The following LYG1 variants were observed in gnomAD, a reference collection of about 807,000 sequenced individuals.
LYG1 encodes lysozyme g-like protein 1.
Under a neutral mutation model 21.7 loss-of-function variants are expected in LYG1, and 17 were observed. The ratio of observed to expected loss-of-function variants is 0.78; its 90% CI spans 0.54 to 1.18. LYG1 has a LOEUF of 1.18. LYG1 is among the 50% of genes most tolerant of loss of function. The pLI is 0.00. For missense variants in LYG1, 211 were observed against 238.1 expected (o/e 0.89, Z 0.75); for synonymous variants, 81 against 87.4 (o/e 0.93, Z 0.41).
At chr2:99,304,036 G>C (rs935421918), upstream of LYG1, among the ~76,000 whole-genome samples, 2 of 152,192 alleles carry the variant, frequency 1.3e-5, no homozygotes, top group African/African-American at 4.8e-5. Flanking sequence ...GCCAGGCGTG[G>C]TGGGGGCACC....
chr2:99,296,731 C>T (rs1241906481), intron 2 of LYG1, among the ~76,000 whole-genome samples: 1 of 152,188 alleles, frequency 6.6e-6, no homozygotes, highest in Non-Finnish European at 1.5e-5. Context: ...TAGGAATGTG[C>T]ATATAAACAA....
At chr2:99,287,496 C>A (rs917977915) in intron 5 of LYG1, among the ~76,000 whole-genome samples, 3 of 152,092 alleles carry the variant, frequency 2.0e-5, no homozygotes, top group Non-Finnish European at 4.4e-5. Flanking sequence ...ACCTGTGGAA[C>A]AAACCTGCAC....
intron 2 of LYG1, among the ~76,000 whole-genome samples, chr2:99,297,485 T>C (rs999667522): frequency 1.3e-5 from 2 of 152,218 alleles, no homozygotes. Flanking sequence ...TACTTCCTCT[T>C]GGAAACCCAA....
intron 5 of LYG1, among the ~76,000 whole-genome samples, chr2:99,289,039 A>G (rs1343582832): frequency 6.6e-6 from 1 of 152,180 alleles, no homozygotes. Context: ...CTGAGAACTT[A>G]TTTATTAGAA....
chr2:99,284,670 T>G lies in LYG1; in HGVS notation c.466+18A>C. The G allele has an allele frequency of 6.2e-7, 1 of 1,611,032 alleles. No homozygotes were observed. The highest frequency in any genetic ancestry group is 8.5e-7 in the Non-Finnish European group (1 of 1,177,628). On this transcript the variant is annotated intron_variant, in intron 6 of 6. Coordinates refer to ENST00000308528, the MANE Select transcript of LYG1 (RefSeq NM_174898.3). Reference sequence around the variant, plus strand: ...TAATTCTGTGCTTGAGACAACTGACTGATAGCGTTACACGTACCTCTCAGG... The same window carrying G: ...TAATTCTGTGCTTGAGACAACTGACGGATAGCGTTACACGTACCTCTCAGG...
intron 5 of LYG1, among the ~76,000 whole-genome samples, chr2:99,286,101 GC>G (rs1168968419): frequency 6.6e-6 from 1 of 152,108 alleles, no homozygotes; most frequent in Non-Finnish European, 1.5e-5. Context: ...AGCACACTCA[GC>G]CTCTCACCAT....
upstream of LYG1, among the ~76,000 whole-genome samples, chr2:99,303,464 C>T (rs1321181342): frequency 2.0e-5 from 3 of 152,058 alleles, no homozygotes; most frequent in African/African-American, 7.2e-5. Context: ...TCTCACAAAC[C>T]CTGCCTCTCT....
chr2:99,284,579 AACTACCT>A, intron 6 of LYG1, 68 bp from the exon 7 acceptor site: 1 of 1,592,458 alleles, frequency 6.3e-7, no homozygotes, highest in Non-Finnish European at 8.6e-7. Context: ...TCTCTTTACT[AACTACCT>A]AACAGGAGGC....
intron 3 of LYG1, among the ~76,000 whole-genome samples, chr2:99,295,418 CCA>C (rs1559222652): frequency 6.6e-6 from 1 of 152,098 alleles, no homozygotes; most frequent in Admixed American, 6.5e-5. Context: ...TGTTTTAAGC[CCA>C]CCTTGCATTC....
At chr2:99,299,680 C>T (rs2094148410) in intron 1 of LYG1, among the ~76,000 whole-genome samples, 1 of 152,006 alleles carries the variant, frequency 6.6e-6, no homozygotes. Context: ...CTGCCTCAGC[C>T]TCCCAAAGTG....
chr2:99,302,847 A>G (rs1017152187), upstream of LYG1, among the ~76,000 whole-genome samples: 16 of 151,882 alleles, frequency 1.1e-4, no homozygotes, highest in African/African-American at 3.9e-4. Flanking sequence ...GCGAAACCCC[A>G]TCTCTACTAA....
intron 5 of LYG1, among the ~76,000 whole-genome samples, chr2:99,286,576 C>T (rs917001978): frequency 3.3e-5 from 5 of 151,842 alleles, no homozygotes; most frequent in African/African-American, 9.7e-5. Context: ...TGGTGGTGGG[C>T]GCCTGTAATC....
At chr2:99,299,777 TTTA>T (rs1242564463) in intron 1 of LYG1, among the ~76,000 whole-genome samples, 2 of 151,640 alleles carry the variant, frequency 1.3e-5, no homozygotes, top group African/African-American at 4.8e-5. Context: ...TTTTTGTTTT[TTTA>T]AAATTTTTAA....
At chr2:99,294,509 G>T (rs4851198) in intron 3 of LYG1, among the ~76,000 whole-genome samples, 126,163 of 151,952 alleles carry the variant, frequency 0.83, 52,973 homozygotes, top group Middle Eastern at 0.97. Context: ...CCAGCTGACA[G>T]GTTCTTTTTT....
chr2:99,287,861 T>G (rs899310969), intron 5 of LYG1, among the ~76,000 whole-genome samples: 4 of 152,176 alleles, frequency 2.6e-5, no homozygotes, highest in Non-Finnish European at 4.4e-5. Context: ...TGTAAAATGT[T>G]CCTCATGTGC....
At chr2:99,302,382 G>GTAATCTT (rs1254466160), upstream of LYG1, among the ~76,000 whole-genome samples, 24 of 152,324 alleles carry the variant, frequency 1.6e-4, 1 homozygote, top group South Asian at 2.3e-3. Context: ...CACACTGTAA[G>GTAATCTT]TGTTCAGTAA....
At chr2:99,285,710 C>T (rs1442688282) in intron 5 of LYG1, among the ~76,000 whole-genome samples, 1 of 152,206 alleles carries the variant, frequency 6.6e-6, no homozygotes. Context: ...TCATTCTCCA[C>T]CCAGCTACCA....
chr2:99,297,358 C>CATG (rs567604655), intron 2 of LYG1, among the ~76,000 whole-genome samples: 1 of 152,216 alleles, frequency 6.6e-6, no homozygotes, highest in Admixed American at 6.5e-5. Context: ...CTCATGGTCT[C>CATG]ATGAAAGTGC....
At chr2:99,293,942 T>C (rs1208301316) in intron 3 of LYG1, among the ~76,000 whole-genome samples, 2 of 152,084 alleles carry the variant, frequency 1.3e-5, no homozygotes, top group African/African-American at 4.8e-5. Flanking sequence ...AATTTATCTA[T>C]AGACAGGGTC....
Sources: allele counts gnomAD v4.1 joint callset (sites outside exome capture counted in the v4.1 genomes callset), GRCh38; gene constraint gnomAD v4.1.1; transcripts MANE v1.5; gene names NCBI Gene and HGNC (gene_info 2026-07-23, HGNC 2026-07-21).